The following AADAC variants were observed in gnomAD, a reference collection of about 807,000 sequenced individuals.
The protein encoded by AADAC is arylacetamide deacetylase, also known as arylacetamide deacetylase (esterase).
AADAC carries 17 observed loss-of-function variants against 22.7 expected under a neutral mutation model. The observed-to-expected ratio is 0.75, with a 90% CI of 0.51 to 1.12. The LOEUF (loss-of-function observed/expected upper bound fraction) is 1.12, where lower values mean the gene tolerates loss of function less well. Among genes scored for constraint, AADAC ranks in the 50% most tolerant of loss-of-function variants. The pLI, the probability that AADAC is intolerant of heterozygous loss-of-function variation, is 0.00. For synonymous variants in AADAC, 167 were observed against 176.3 expected (o/e 0.95, Z 0.42); for missense variants, 465 against 473.9 (o/e 0.98, Z 0.17).
chr3:151,817,339 C>T, intron 1 of AADAC, 27 bp from the exon 2 acceptor site: 1 of 1,586,684 alleles, frequency 6.3e-7, no homozygotes. Context: ...ACTTGAATTT[C>T]AGGAGGTTTG....
chr3:151,824,587 AC>A, intron 3 of AADAC, 75 bp from the exon 4 acceptor site: 1 of 1,197,356 alleles, frequency 8.4e-7, no homozygotes, highest in South Asian at 2.5e-5. Flanking sequence ...TTTTGTCATT[AC>A]TTTTGCACCA....
chr3:151,826,070 T>A (rs1716480813), intron 4 of AADAC, among the ~76,000 whole-genome samples: 1 of 151,972 alleles, frequency 6.6e-6, no homozygotes, highest in Non-Finnish European at 1.5e-5. Flanking sequence ...AACATTGCTG[T>A]TATTTGTTTT....
At chr3:151,817,658 G>T in intron 2 of AADAC, 70 bp downstream of exon 2, 2 of 1,356,276 alleles carry the variant, frequency 1.5e-6, no homozygotes, top group South Asian at 2.4e-5. Context: ...TCTTCAGTAG[G>T]TACACATGCC....
rs371482599 is a variant in AADAC, at chr3:151,814,139, A to G, written c.-24A>G. The stretch of plus-strand genomic sequence containing the variant: ...GTAGGTTTACTTTCTGTGTTTCTAG[A>G]GACCAAGAAGCGGGACGTTCACCAT... On this transcript the variant is annotated 5_prime_UTR_variant, in exon 1 of 5. Coordinates refer to ENST00000232892, the MANE Select transcript of AADAC (RefSeq NM_001086.3). 22 of 1,612,680 alleles carry G rather than the reference A, an allele frequency of 1.4e-5. No homozygotes were observed. In the African/African-American group the frequency reaches 2.4e-4, roughly 18 times the overall value.
At position 151,828,042 on chromosome 3, in the gene AADAC, G is replaced by A. The variant is rs141982674; in HGVS notation, c.1070G>A (p.Arg357His). ...DDGLMYVTRL[R>H]NTGVQVTHNH... ...GGACTCATGTATGTCACCCGACTTC[G>A]CAACACTGGGGTTCAGGTGACTCAT... Residue 357 changes from arginine to histidine, a missense_variant, in exon 5 of 5, where the codon CGC becomes CAC. Physicochemically the swap from Arg to His is conservative, Grantham distance 29. Coordinates refer to ENST00000232892, the MANE Select transcript of AADAC (RefSeq NM_001086.3). 6.4e-4 allele frequency: 1,040 copies of A among 1,613,192 alleles called. 17 individuals are homozygous for A. The highest frequency in any genetic ancestry group is 4.8e-4 in the Non-Finnish European group (562 of 1,179,394).
At chr3:151,821,159 G>T (rs1716237310) in intron 3 of AADAC, among the ~76,000 whole-genome samples, 1 of 151,894 alleles carries the variant, frequency 6.6e-6, no homozygotes, top group Non-Finnish European at 1.5e-5. Flanking sequence ...GATGGTCACT[G>T]TGAAGAGTAA....
At chr3:151,814,493 A>G (rs1576639384) in intron 1 of AADAC, among the ~76,000 whole-genome samples, 193 bp downstream of exon 1, 1 of 152,074 alleles carries the variant, frequency 6.6e-6, no homozygotes, top group Non-Finnish European at 1.5e-5. Context: ...ATGTTAAAAA[A>G]ATATCAAGAA....
At chr3:151,825,974 T>C (rs1716476211) in intron 4 of AADAC, among the ~76,000 whole-genome samples, 1 of 150,588 alleles carries the variant, frequency 6.6e-6, no homozygotes, top group Admixed American at 6.7e-5. Flanking sequence ...TCTGGGATTA[T>C]GTAGAAGTTA....
In AADAC at chr3:151,827,971, CCT is replaced by C; in HGVS notation, c.1000_1001del (p.Leu334AspfsTer9). ...ATGACAACAAATTACGTGGCTTACCCCTGACCTATGTCATCACCTGTCAATAT... is the reference window on the plus strand; with the variant it reads ...ATGACAACAAATTACGTGGCTTACCCGACCTATGTCATCACCTGTCAATAT... ...ADDNKLRGLPLTYVITCQYDL... is the reference protein window; with the variant it reads ...ADDNKLRGLPXTYVITCQYDL... On this transcript the variant is annotated frameshift_variant, in exon 5 of 5. Transcript: ENST00000232892. LOFTEE classifies it low-confidence loss of function (END_TRUNC). The C allele has an allele frequency of 2.5e-6, 4 of 1,612,636 alleles. No individual in the cohort carries two copies. Among genetic ancestry groups the C allele is most frequent in the Middle Eastern group, 1.7e-4 (1 of 6,056 alleles).
chr3:151,817,333 G>T, intron 1 of AADAC, 33 bp from the exon 2 acceptor site: 2 of 1,580,490 alleles, frequency 1.3e-6, no homozygotes, highest in South Asian at 2.2e-5. Context: ...TTTGATACTT[G>T]AATTTCAGGA....
At position 151,827,824 on chromosome 3, in the gene AADAC, T is replaced by C. The variant is rs769224602; in HGVS notation, c.852T>C (p.Ser284=). Residue 284 remains serine (S), a synonymous_variant, in exon 5 of 5, where the codon AGT becomes AGC. Transcript: ENST00000232892. ...ATCTCTTCAAATTTGTTAATTGGAG[T>C]TCCCTGCTCCCTGAGAGGTTTATAA... ...SSHLFKFVNW[S]SLLPERFIKG... 2.5e-6 allele frequency: 4 copies of C among 1,613,102 alleles called. No individual in the cohort carries two copies. The highest frequency in any genetic ancestry group is 3.4e-6 in the Non-Finnish European group (4 of 1,179,544).
At chr3:151,815,738 T>C (rs1560308972) in intron 1 of AADAC, among the ~76,000 whole-genome samples, 2 of 152,046 alleles carry the variant, frequency 1.3e-5, no homozygotes, top group African/African-American at 4.8e-5. Context: ...TCTCAGTCGA[T>C]ATACCTTTTA....
chr3:151,822,188 T>A (rs1292421352), intron 3 of AADAC, among the ~76,000 whole-genome samples: 1 of 151,778 alleles, frequency 6.6e-6, no homozygotes, highest in Non-Finnish European at 1.5e-5. Flanking sequence ...ATAACAAGCG[T>A]TAGTGGGGAC....
chr3:151,819,122 T>C (rs1364799885), intron 2 of AADAC, among the ~76,000 whole-genome samples: 2 of 116,348 alleles, frequency 1.7e-5, no homozygotes, highest in Non-Finnish European at 3.9e-5. Context: ...AAAAAATAGA[T>C]CTGAATGAGT....
rs1716594927 is a variant in AADAC at position 151,828,298 on chromosome 3, C to T, written c.*126C>T. On this transcript the variant is annotated 3_prime_UTR_variant, in exon 5 of 5. Coordinates refer to ENST00000232892, the MANE Select transcript of AADAC (RefSeq NM_001086.3). ...ACATGTAGCATAATTCTTAAATAGG[C>T]ACTTTTCTGTTTTTTTTTTCTTACT... 2.1e-6 allele frequency: 1 copy of T among 479,716 alleles called. No homozygotes were observed. Among genetic ancestry groups the T allele is most frequent in the Non-Finnish European group, 3.4e-6 (1 of 292,444 alleles). 29.7% of individuals were successfully genotyped at this position (479,716 alleles called of 1,614,324 possible). A position where few individuals can be genotyped will look rare whatever the true frequency, so the allele number is the denominator to read the frequency against.
chr3:151,815,605 T>A (rs949097271), intron 1 of AADAC, among the ~76,000 whole-genome samples: 4 of 151,924 alleles, frequency 2.6e-5, no homozygotes, highest in African/African-American at 9.7e-5. Context: ...GGAGTCTTTA[T>A]ATTAATTTTT....
intron 1 of AADAC, among the ~76,000 whole-genome samples, chr3:151,816,439 T>C (rs947141934): frequency 6.6e-6 from 1 of 152,126 alleles, no homozygotes; most frequent in African/African-American, 2.4e-5. Context: ...CAAAGTACTT[T>C]GTACAGAGCT....
Position 151,817,463 on chromosome 3 carries a change from T to A in AADAC, c.236T>A (p.Val79Asp), listed in dbSNP as rs770439477. The change falls in exon 2 of 5, where the codon GTC becomes GAC. Residue 79 changes from valine (V) to aspartate (D), a missense_variant. Val to Asp is a radical substitution (Grantham distance 152, BLOSUM62 -3). Transcript: ENST00000232892. ...GTCCCACCAACCTCAGATGAAAATG[T>A]CACTGTGACTGAGACAAAATTCAAC... ...DEVPPTSDEN[V>D]TVTETKFNNI... is the part of the protein sequence containing the mutation. 1.2e-6 allele frequency: 2 copies of A among 1,613,752 alleles called. No homozygotes were observed. The highest frequency in any genetic ancestry group is 1.7e-6 in the Non-Finnish European group (2 of 1,179,714).
At chr3:151,820,520 T>TTTC in intron 3 of AADAC, 68 bp downstream of exon 3, 1 of 993,994 alleles carries the variant, frequency 1.0e-6, no homozygotes, top group Non-Finnish European at 1.4e-6. Flanking sequence ...AGCTTTCTTT[T>TTTC]TTTTTTTTTT....
Sources: allele counts gnomAD v4.1 joint callset (sites outside exome capture counted in the v4.1 genomes callset), GRCh38; gene constraint gnomAD v4.1.1; transcripts MANE v1.5; gene names NCBI Gene and HGNC (gene_info 2026-07-23, HGNC 2026-07-21).